Variants in CRTC1 observed in about 807,000 individuals in gnomAD.
The protein encoded by CRTC1 is CREB regulated transcription coactivator 1, also known as CREB-regulated transcription coactivator 1.
A neutral mutation model predicts 66.1 loss-of-function variants in CRTC1; 18 were observed. That is an observed-to-expected ratio of 0.27 (90% CI 0.19 to 0.40). The LOEUF (loss-of-function observed/expected upper bound fraction) is 0.40. Ranked by LOEUF, CRTC1 falls within the 10% of genes least tolerant of loss-of-function variation. The pLI is 1.00. For synonymous variants in CRTC1, 416 were observed against 398.8 expected, an observed-to-expected ratio of 1.04 and a Z score of -0.51; for missense variants, 669 against 887.9, an observed-to-expected ratio of 0.75 and a Z score of 3.13.
chr19:18,746,023 A>G (rs563997431), intron 3 of CRTC1, 63 bp downstream of exon 3: 17,261 of 1,544,392 alleles, frequency 0.011, 125 homozygotes, highest in Middle Eastern at 0.014. Context: ...CAGGACCCCA[A>G]GTTTACCCAG....
intron 1 of CRTC1, among the ~76,000 whole-genome samples, chr19:18,726,781 C>G (rs1335608143): frequency 6.6e-6 from 1 of 151,926 alleles, no homozygotes; most frequent in East Asian, 1.9e-4. Flanking sequence ...CAAAAATTAG[C>G]CAGGTGTGAT....
chr19:18,775,558 C>G (rs1568544530), intron 12 of CRTC1, 83 bp from the exon 13 acceptor site: 16 of 1,258,288 alleles, frequency 1.3e-5, no homozygotes, highest in Non-Finnish European at 1.6e-5. Context: ...GCGGGCAGGA[C>G]AGCCACAGCA....
At chr19:18,705,792 C>G (rs1014268797) in intron 1 of CRTC1, among the ~76,000 whole-genome samples, 2 of 67,974 alleles carry the variant, frequency 2.9e-5, no homozygotes, top group African/African-American at 2.2e-4. Flanking sequence ...TTTACTAATC[C>G]TAATATTTTT....
chr19:18,741,392 C>T lies in CRTC1; in HGVS notation c.127-1518C>T, dbSNP rs145248558. Among the ~76,000 whole-genome samples, 1,084 of 152,362 alleles carry T rather than the reference C, an allele frequency of 7.1e-3. 6 individuals are homozygous for T. Among genetic ancestry groups the T allele is most frequent in the Non-Finnish European group, 0.011 (731 of 68,040 alleles). On this transcript the variant is annotated intron_variant, in intron 1 of 13. Coordinates refer to ENST00000321949, the MANE Select transcript of CRTC1 (RefSeq NM_015321.3). The surrounding 1 kb of genome is among the most constrained non-coding windows in gnomAD (Gnocchi z 4.2). ...CTCTCACACCCGCCTGTAGCACTCACTCTAGGTCGGGGACACAGGTCCAGG... is the reference window on the plus strand; with the variant it reads ...CTCTCACACCCGCCTGTAGCACTCATTCTAGGTCGGGGACACAGGTCCAGG...
At chr19:18,775,582 G>T in intron 12 of CRTC1, 59 bp from the exon 13 acceptor site, 2 of 1,429,276 alleles carry the variant, frequency 1.4e-6, no homozygotes, top group Non-Finnish European at 1.9e-6. Context: ...AAGGGCTTGG[G>T]GTGGCCAGCT....
chr19:18,692,000 A>C (rs571002007), intron 1 of CRTC1, among the ~76,000 whole-genome samples: 52 of 152,114 alleles, frequency 3.4e-4, no homozygotes, highest in African/African-American at 1.2e-3. Flanking sequence ...GGTGTGAGCC[A>C]CCGCGCTCGG....
chr19:18,728,460 C>G (rs1309677986), intron 1 of CRTC1, among the ~76,000 whole-genome samples: 5 of 152,090 alleles, frequency 3.3e-5, no homozygotes, highest in African/African-American at 9.7e-5. Flanking sequence ...AAAAAGCAGT[C>G]GTAACATCAC....
At chr19:18,761,740 A>G (rs1465100653) in intron 8 of CRTC1, among the ~76,000 whole-genome samples, 1 of 152,048 alleles carries the variant, frequency 6.6e-6, no homozygotes, top group Non-Finnish European at 1.5e-5. Flanking sequence ...AGGAGCCTGG[A>G]GGCGTTCCTG....
chr19:18,746,047 G>A (rs1432956003), intron 3 of CRTC1, 87 bp downstream of exon 3: 2 of 1,491,572 alleles, frequency 1.3e-6, no homozygotes, highest in South Asian at 1.3e-5. Context: ...GTTCTGACAG[G>A]GCTGCCTGCT....
chr19:18,778,601 G>C lies in CRTC1; in HGVS notation c.*1219G>C, dbSNP rs1334545360. The stretch of plus-strand genomic sequence containing the variant: ...TGCCAGGGCCACAGAACAGACTTCC[G>C]GGAAGGGGCCTTGGCTTTTATTGAG... On this transcript the variant is annotated 3_prime_UTR_variant, in exon 14 of 14. Coordinates refer to ENST00000321949, the MANE Select transcript of CRTC1 (RefSeq NM_015321.3). The C allele has an allele frequency of 1.3e-5, 3 of 230,594 alleles. No individual in the cohort carries two copies. The highest frequency in any genetic ancestry group is 6.6e-5 in the African/African-American group (3 of 45,192). 14.3% of individuals were successfully genotyped at this position (230,594 alleles called of 1,614,324 possible).
rs1286057331 is a variant in CRTC1, at chr19:18,726,921, G to A, written c.127-15989G>A. 6.2e-5 allele frequency among the ~76,000 whole-genome samples: 8 copies of A among 128,840 alleles called. No homozygotes were observed. In the East Asian group the frequency reaches 1.7e-3, roughly 27 times the overall value. The allele number at this position is 128,840 out of a possible 152,430, so 84.5% of individuals were successfully genotyped here. ...AGCCTAGGTAACAGAGAAAGACTCC[G>A]TCTTGGGGAAAAAAAAAAAAAAAAA... On this transcript the variant is annotated intron_variant, in intron 1 of 13. Coordinates refer to ENST00000321949, the MANE Select transcript of CRTC1 (RefSeq NM_015321.3).
chr19:18,749,760 C>T, intron 4 of CRTC1, 21 bp from the exon 5 acceptor site: 2 of 1,603,816 alleles, frequency 1.2e-6, no homozygotes, highest in East Asian at 2.2e-5. Flanking sequence ...GGCTCATTGT[C>T]TCTTCCTCCC....
chr19:18,700,152 C>T (rs2053098451), intron 1 of CRTC1, among the ~76,000 whole-genome samples: 1 of 152,210 alleles, frequency 6.6e-6, no homozygotes, highest in Non-Finnish European at 1.5e-5. Context: ...TCATTTACTA[C>T]ATAAAATTCC....
chr19:18,698,095 G>A (rs947198397), intron 1 of CRTC1, among the ~76,000 whole-genome samples: 3 of 152,090 alleles, frequency 2.0e-5, no homozygotes, highest in Non-Finnish European at 4.4e-5. Flanking sequence ...CAGGCACACG[G>A]TAGGTGCTCT....
chr19:18,733,087 T>TA (rs113328472), intron 1 of CRTC1, among the ~76,000 whole-genome samples: 3,346 of 143,628 alleles, frequency 0.023, 102 homozygotes, highest in African/African-American at 0.074. Flanking sequence ...ACCTGTCTCT[T>TA]AAAAAAAAAA....
chr19:18,746,488 C>G (rs557917338), intron 3 of CRTC1, among the ~76,000 whole-genome samples: 1 of 151,724 alleles, frequency 6.6e-6, no homozygotes, highest in African/African-American at 2.4e-5. Context: ...CCCCCCCTCC[C>G]CCCCAACTCA....
At chr19:18,756,019 C>A (rs1238379681) in intron 6 of CRTC1, among the ~76,000 whole-genome samples, 1 of 152,188 alleles carries the variant, frequency 6.6e-6, no homozygotes, top group African/African-American at 2.4e-5. Flanking sequence ...GATTTCCACT[C>A]TTACGGGAAA....
chr19:18,750,281 A>G (rs1209647617), intron 5 of CRTC1, among the ~76,000 whole-genome samples: 1 of 152,142 alleles, frequency 6.6e-6, no homozygotes, highest in Non-Finnish European at 1.5e-5. Context: ...ACTGCTTCCC[A>G]CTGGACTGTT....
chr19:18,745,571 C>T (rs1383318615), intron 2 of CRTC1, among the ~76,000 whole-genome samples: 2 of 152,172 alleles, frequency 1.3e-5, no homozygotes, highest in African/African-American at 4.8e-5. Context: ...CCTGTGCATG[C>T]CAGCTGCACT....
Sources: gnomAD v4.1 joint callset for allele counts (sites outside exome capture counted in the v4.1 genomes callset) on GRCh38, gnomAD v4.1.1 for gene constraint, Gnocchi (gnomAD v3.1) non-coding constraint, MANE v1.5 for transcripts, NCBI Gene and HGNC (gene_info 2026-07-23, HGNC 2026-07-21) for gene names.